The following ATXN1 variants were observed in gnomAD, a reference collection of about 807,000 sequenced individuals.
ATXN1 encodes the protein ataxin 1, also known as ataxin-1.
ATXN1 carries 8 observed loss-of-function variants against 56.4 expected under a neutral mutation model. That is an observed-to-expected ratio of 0.14 (90% CI 0.08 to 0.26). ATXN1 has a LOEUF of 0.26. ATXN1 is among the 10% of genes least tolerant of loss of function. ATXN1 has a pLI of 1.00. For missense variants in ATXN1, 987 were observed against 1,106.5 expected (o/e 0.89, Z 1.53); for synonymous variants, 514 against 494.6 (o/e 1.04, Z -0.52).
intron 6 of ATXN1, among the ~76,000 whole-genome samples, chr6:16,351,852 C>T (rs538361079): frequency 2.0e-5 from 3 of 152,300 alleles, no homozygotes; most frequent in South Asian, 2.1e-4. Context: ...TGTGTGCTGA[C>T]GGTACTACAT....
rs369294920 is a variant in ATXN1, at chr6:16,481,587, A to G, written c.-161+4385T>C. Among the ~76,000 whole-genome samples, 14 of 152,306 alleles carry G rather than the reference A, an allele frequency of 9.2e-5. 1 individual carries two copies. The highest frequency in any genetic ancestry group is 3.9e-4 in the East Asian group (2 of 5,194). On this transcript the variant is annotated intron_variant, in intron 6 of 7. Coordinates refer to ENST00000436367, the MANE Select transcript of ATXN1 (RefSeq NM_001128164.2). ...GAAAAGGGAGTCCATAGACACACAA[A>G]ATTCCAGAAACCTTTATTATTGCTG... is the stretch of plus-strand genomic sequence containing the variant.
intron 6 of ATXN1, among the ~76,000 whole-genome samples, chr6:16,417,673 C>T (rs1581748385): frequency 6.6e-6 from 1 of 151,784 alleles, no homozygotes; most frequent in South Asian, 2.1e-4. Flanking sequence ...CTCCTGACCT[C>T]GTGATCCCCC....
chr6:16,759,373 T>C (rs1364544772), intron 1 of ATXN1, among the ~76,000 whole-genome samples: 10 of 152,222 alleles, frequency 6.6e-5, no homozygotes, highest in Admixed American at 6.5e-4. Context: ...ATTTTGCTAA[T>C]TGTATCCTGT....
intron 2 of ATXN1, among the ~76,000 whole-genome samples, chr6:16,709,836 T>A (rs1489882186): frequency 6.6e-6 from 1 of 152,098 alleles, no homozygotes; most frequent in African/African-American, 2.4e-5. Flanking sequence ...AGCCAAAATA[T>A]CCAGCAATAG....
chr6:16,545,943 A>G (rs1323695239), intron 4 of ATXN1, among the ~76,000 whole-genome samples: 1 of 152,246 alleles, frequency 6.6e-6, no homozygotes, highest in African/African-American at 2.4e-5. Flanking sequence ...AAGCACAGCT[A>G]TCGTATTAGC....
chr6:16,477,034 T>C (rs942251869), intron 6 of ATXN1, among the ~76,000 whole-genome samples: 4 of 151,356 alleles, frequency 2.6e-5, no homozygotes, highest in African/African-American at 7.3e-5. Flanking sequence ...AAGGCAACAA[T>C]GCATACGTCA....
chr6:16,704,429 A>G (rs1305643424), intron 2 of ATXN1, among the ~76,000 whole-genome samples: 2 of 152,000 alleles, frequency 1.3e-5, no homozygotes, highest in Non-Finnish European at 2.9e-5. Flanking sequence ...ATCTGTACAG[A>G]TCAAAATCTC....
At chr6:16,417,716 G>A (rs1268766134) in intron 6 of ATXN1, among the ~76,000 whole-genome samples, 2 of 152,102 alleles carry the variant, frequency 1.3e-5, no homozygotes, top group African/African-American at 4.8e-5. Flanking sequence ...GGGACTATAG[G>A]CGTGAGCCAC....
Position 16,326,043 on chromosome 6 carries a change from G to A in ATXN1, c.1917+351C>T, listed in dbSNP as rs535251191. Among the ~76,000 whole-genome samples the A allele has an allele frequency of 2.0e-5, 3 of 152,168 alleles. No homozygotes were observed. The highest frequency in any genetic ancestry group is 2.9e-5 in the Non-Finnish European group (2 of 68,036). On this transcript the variant is annotated intron_variant, in intron 7 of 7. Coordinates refer to ENST00000436367, the MANE Select transcript of ATXN1 (RefSeq NM_001128164.2). The surrounding 1 kb of genome is among the most constrained non-coding windows in gnomAD (Gnocchi z 6.6). ...TCTTTTCCTGGTAAGAAAAAGTGCC[G>A]AATGACCACTAGAAGGACCTGAAGT...
chr6:16,543,716 T>C lies in ATXN1; in HGVS notation c.-360-21028A>G, dbSNP rs147183503. 2.4e-4 allele frequency among the ~76,000 whole-genome samples: 36 copies of C among 150,922 alleles called. No individual in the cohort carries two copies. In the East Asian group the frequency reaches 7.1e-3, roughly 30 times the overall value. On this transcript the variant is annotated intron_variant, in intron 4 of 7. Coordinates refer to ENST00000436367, the MANE Select transcript of ATXN1 (RefSeq NM_001128164.2). ...GAATTTAGATGTTTTCAAGCATTACTACTTGATGCTTTTAGAGCTTCATGC... is the reference window on the plus strand; with the variant it reads ...GAATTTAGATGTTTTCAAGCATTACCACTTGATGCTTTTAGAGCTTCATGC...
At chr6:16,615,452 T>C (rs1207263188) in intron 3 of ATXN1, 3 of 146,248 alleles carry the variant, frequency 2.1e-5, no homozygotes, top group Non-Finnish European at 4.5e-5. Flanking sequence ...TTGGTGACAA[T>C]TGGTGCACTC....
chr6:16,577,953 T>C (rs1397059103), intron 4 of ATXN1, among the ~76,000 whole-genome samples: 1 of 152,212 alleles, frequency 6.6e-6, no homozygotes, highest in African/African-American at 2.4e-5. Flanking sequence ...TTTTGAGTGA[T>C]TTCCCTAAGG....
intron 3 of ATXN1, among the ~76,000 whole-genome samples, chr6:16,647,144 A>C (rs1763813280): frequency 6.6e-6 from 1 of 152,078 alleles, no homozygotes; most frequent in African/African-American, 2.4e-5. Flanking sequence ...AGCTGGGACT[A>C]CAGGCACCTG....
intron 5 of ATXN1, among the ~76,000 whole-genome samples, chr6:16,486,899 A>G (rs530040037): frequency 1.6e-4 from 24 of 150,638 alleles, no homozygotes; most frequent in Non-Finnish European, 2.7e-4. Flanking sequence ...CCCACCGAAG[A>G]CAACACTTAC....
At chr6:16,706,903 AC>A (rs1468304115) in intron 2 of ATXN1, among the ~76,000 whole-genome samples, 10 of 151,760 alleles carry the variant, frequency 6.6e-5, no homozygotes, top group African/African-American at 2.4e-4. Context: ...TCACTTTATC[AC>A]CTCCCGCTAG....
At chr6:16,634,639 C>G (rs1017210947) in intron 3 of ATXN1, among the ~76,000 whole-genome samples, 2 of 152,178 alleles carry the variant, frequency 1.3e-5, no homozygotes, top group Non-Finnish European at 2.9e-5. Flanking sequence ...ATGGATTTGT[C>G]TATTCTGGAC....
intron 7 of ATXN1, among the ~76,000 whole-genome samples, chr6:16,320,989 C>T (rs1670555024): frequency 6.6e-6 from 1 of 152,154 alleles, no homozygotes; most frequent in Non-Finnish European, 1.5e-5. Flanking sequence ...TTTTAGAACA[C>T]GAGGCCTTTG....
chr6:16,320,795 C>T (rs957360411), intron 7 of ATXN1, among the ~76,000 whole-genome samples: 6 of 152,222 alleles, frequency 3.9e-5, no homozygotes, highest in East Asian at 1.9e-4. Context: ...GATATGCTCA[C>T]GCAGGCTGGC....
chr6:16,651,503 C>T (rs1763891948), intron 3 of ATXN1, among the ~76,000 whole-genome samples: 1 of 150,170 alleles, frequency 6.7e-6, no homozygotes, highest in Non-Finnish European at 1.5e-5. Context: ...GAGATGGTGC[C>T]ACTGCACTCC....
Sources: allele counts gnomAD v4.1 joint callset (sites outside exome capture counted in the v4.1 genomes callset), GRCh38; gene constraint gnomAD v4.1.1; non-coding constraint Gnocchi (gnomAD v3.1); transcripts MANE v1.5; gene names NCBI Gene and HGNC (gene_info 2026-07-23, HGNC 2026-07-21).